The following MINDY3 variants were observed in gnomAD, a reference collection of about 807,000 sequenced individuals.
MINDY3 encodes the protein ubiquitin carboxyl-terminal hydrolase MINDY-3.
MINDY3 carries 38 observed loss-of-function variants against 69.2 expected under a neutral mutation model. The observed-to-expected ratio is 0.55, with a 90% confidence interval of 0.42 to 0.72. The LOEUF (loss-of-function observed/expected upper bound fraction) is 0.72. Ranked by LOEUF, MINDY3 falls within the 30% of genes least tolerant of loss-of-function variation. MINDY3 has a pLI of 0.00. For synonymous variants in MINDY3, 192 were observed against 180.1 expected (o/e 1.07, Z -0.53); for missense variants, 522 against 519.0 (o/e 1.01, Z -0.06).
chr10:15,847,767 C>G (rs1833954522), intron 2 of MINDY3, 97 bp downstream of exon 2: 3 of 747,416 alleles, frequency 4.0e-6, no homozygotes, highest in Admixed American at 4.8e-5. Context: ...TTGATTATGT[C>G]TCATAATTAC....
At chr10:15,806,394 T>C (rs1838642810) in intron 10 of MINDY3, among the ~76,000 whole-genome samples, 1 of 152,164 alleles carries the variant, frequency 6.6e-6, no homozygotes, top group African/African-American at 2.4e-5. Context: ...ACCAATAATT[T>C]AATCTTGGGA....
chr10:15,785,190 A>G (rs1836862000), intron 13 of MINDY3, among the ~76,000 whole-genome samples: 1 of 152,176 alleles, frequency 6.6e-6, no homozygotes, highest in African/African-American at 2.4e-5. Context: ...TATACAGACA[A>G]TGAGACAAAC....
rs770226961 is a variant in MINDY3 at position 15,860,267 on chromosome 10, C to G, written c.33G>C (p.Leu11=). Residue 11 remains leucine, a synonymous_variant, in exon 1 of 15, where the codon CTG becomes CTC. Coordinates refer to ENST00000277632, the MANE Select transcript of MINDY3 (RefSeq NM_024948.4). ...CGGGGCTGCTCTTGGTGCCCCACAC[C>G]AGCTCCATCAGCTCTTTAGTCAGTT... The part of the protein sequence containing the change: MSELTKELME[L]VWGTKSSPGL... 1.2e-6 allele frequency: 2 copies of G among 1,609,444 alleles called. No individual in the cohort carries two copies. The highest frequency in any genetic ancestry group is 2.7e-5 in the African/African-American group (2 of 75,040).
intron 1 of MINDY3, among the ~76,000 whole-genome samples, chr10:15,856,690 C>A (rs897868011): frequency 6.6e-6 from 1 of 152,136 alleles, no homozygotes; most frequent in East Asian, 1.9e-4. Context: ...AGGCCACTCA[C>A]CCTTTAAAGA....
chr10:15,837,810 T>C, intron 5 of MINDY3: 3 of 979,234 alleles, frequency 3.1e-6, no homozygotes, highest in Non-Finnish European at 3.6e-6. Context: ...CTTTACCTTT[T>C]ACTTTGTAAT....
intron 2 of MINDY3, among the ~76,000 whole-genome samples, chr10:15,843,981 A>G (rs910031729): frequency 1.3e-5 from 2 of 152,140 alleles, no homozygotes; most frequent in Non-Finnish European, 2.9e-5. Context: ...CCAAGAAAAA[A>G]CAGGTTACAA....
At chr10:15,821,957 A>G (rs1475347598) in intron 8 of MINDY3, among the ~76,000 whole-genome samples, 3 of 152,182 alleles carry the variant, frequency 2.0e-5, no homozygotes, top group African/African-American at 7.2e-5. Context: ...TGTATATTAA[A>G]TGTATTTATA....
chr10:15,806,845 C>A (rs1358723662), intron 10 of MINDY3, among the ~76,000 whole-genome samples: 1 of 152,170 alleles, frequency 6.6e-6, no homozygotes, highest in Admixed American at 6.6e-5. Context: ...CACTTCATAT[C>A]AGTCTCAAAG....
At position 15,837,202 on chromosome 10, in the gene MINDY3, A is replaced by G; in HGVS notation, c.576+2T>C. ...GCAGAAAAATCATCTTCTTGAACACACCTTTGTCAGTAATACAGAATACAG... is the reference window on the plus strand; with the variant it reads ...GCAGAAAAATCATCTTCTTGAACACGCCTTTGTCAGTAATACAGAATACAG... On this transcript the variant is annotated splice_donor_variant, in intron 6 of 14. Transcript: ENST00000277632. LOFTEE classifies it high-confidence loss of function. The G allele has an allele frequency of 2.0e-6, 3 of 1,536,458 alleles. No individual in the cohort carries two copies. Among genetic ancestry groups the G allele is most frequent in the Non-Finnish European group, 2.7e-6 (3 of 1,121,616 alleles).
intron 10 of MINDY3, among the ~76,000 whole-genome samples, chr10:15,799,313 C>A (rs1385003250): frequency 6.6e-6 from 1 of 152,058 alleles, no homozygotes; most frequent in East Asian, 1.9e-4. Flanking sequence ...AAATCTCTGC[C>A]CCAGCCTCCC....
intron 8 of MINDY3, among the ~76,000 whole-genome samples, chr10:15,823,289 C>G (rs140664377): frequency 5.6e-4 from 86 of 152,240 alleles, no homozygotes; most frequent in African/African-American, 1.9e-3. Context: ...CCTCAGGGAC[C>G]ACAAGACCCT....
At chr10:15,853,463 C>T (rs1461671386) in intron 1 of MINDY3, among the ~76,000 whole-genome samples, 1 of 151,210 alleles carries the variant, frequency 6.6e-6, no homozygotes. Context: ...ACAGTAACAT[C>T]AAGCTGTCCT....
chr10:15,843,071 T>C (rs1249244392), intron 3 of MINDY3, 141 bp downstream of exon 3: 1 of 683,058 alleles, frequency 1.5e-6, no homozygotes, highest in Non-Finnish European at 2.5e-6. Flanking sequence ...GGAGTCACTG[T>C]TCATGAAACT....
chr10:15,799,075 C>T (rs1838060093), intron 10 of MINDY3, among the ~76,000 whole-genome samples: 1 of 152,106 alleles, frequency 6.6e-6, no homozygotes, highest in African/African-American at 2.4e-5. Flanking sequence ...CAGCAAAACA[C>T]ATGGCCATGG....
chr10:15,808,560 T>C (rs1838788222), intron 10 of MINDY3, among the ~76,000 whole-genome samples: 1 of 152,158 alleles, frequency 6.6e-6, no homozygotes, highest in Non-Finnish European at 1.5e-5. Flanking sequence ...GAAATAATTC[T>C]CCCTACATTC....
At chr10:15,787,749 A>G (rs1837084438) in intron 12 of MINDY3, among the ~76,000 whole-genome samples, 1 of 152,124 alleles carries the variant, frequency 6.6e-6, no homozygotes, top group South Asian at 2.1e-4. Context: ...TGTGGCTATC[A>G]TTCTTGTATA....
At chr10:15,842,487 T>G (rs28515530) in intron 3 of MINDY3, among the ~76,000 whole-genome samples, 20,221 of 151,882 alleles carry the variant, frequency 0.13, 3,197 homozygotes, top group African/African-American at 0.38. Flanking sequence ...AAATTTGTTT[T>G]GTATTTCACC....
chr10:15,828,223 T>C (rs760249144), intron 8 of MINDY3, among the ~76,000 whole-genome samples: 30 of 152,312 alleles, frequency 2.0e-4, no homozygotes, highest in Admixed American at 3.3e-4. Flanking sequence ...ATTTGTGCAA[T>C]GGTATGTTAT....
chr10:15,783,100 C>A (rs954130421), intron 13 of MINDY3, among the ~76,000 whole-genome samples: 1 of 152,142 alleles, frequency 6.6e-6, no homozygotes, highest in Non-Finnish European at 1.5e-5. Flanking sequence ...CAGCTGCTGG[C>A]AACTGGAGCT....
Sources: allele counts gnomAD v4.1 joint callset (sites outside exome capture counted in the v4.1 genomes callset), GRCh38; gene constraint gnomAD v4.1.1; transcripts MANE v1.5; gene names NCBI Gene and HGNC (gene_info 2026-07-23, HGNC 2026-07-21).